The following ZNF423 variants were observed in gnomAD, a reference collection of about 807,000 sequenced individuals.
ZNF423 encodes zinc finger protein 423.
In ZNF423, 12 loss-of-function variants were observed where a neutral mutation model predicts 95.8. The ratio of observed to expected loss-of-function variants is 0.13; its 90% CI spans 0.08 to 0.20. The LOEUF is 0.20. ZNF423 is among the 10% of genes least tolerant of loss of function. The pLI is 1.00. For missense variants in ZNF423, 1,316 were observed against 1,737.1 expected, an observed-to-expected ratio of 0.76 and a Z score of 4.31; for synonymous variants, 749 against 711.9, an observed-to-expected ratio of 1.05 and a Z score of -0.83.
At chr16:49,777,634 A>C (rs2034142861) in intron 2 of ZNF423, among the ~76,000 whole-genome samples, 1 of 152,210 alleles carries the variant, frequency 6.6e-6, no homozygotes, top group African/African-American at 2.4e-5. Flanking sequence ...ACCAAGATGC[A>C]GTAAGTCTCC....
At chr16:49,841,202 C>A (rs570871135) in intron 1 of ZNF423, among the ~76,000 whole-genome samples, 14 of 152,108 alleles carry the variant, frequency 9.2e-5, no homozygotes, top group Non-Finnish European at 1.9e-4. Context: ...ATCCTCCCCC[C>A]ACTCCAGAAG....
chr16:49,560,487 T>C (rs961045494), intron 5 of ZNF423, among the ~76,000 whole-genome samples: 1 of 152,214 alleles, frequency 6.6e-6, no homozygotes, highest in South Asian at 2.1e-4. Context: ...GTTTGGGCTA[T>C]ATTCCCTTCC....
upstream of ZNF423, chr16:49,857,975 A>G (rs1200324888): frequency 2.0e-5 from 3 of 151,664 alleles, no homozygotes. The surrounding 1 kb of genome is among the most constrained non-coding windows in gnomAD (Gnocchi z 6.2). Flanking sequence ...CTCCCCAACT[A>G]GCTGCAGGCG....
rs1364829709 is a variant in ZNF423, at chr16:49,638,452, TGGA to T, written c.721_723del (p.Ser241del). 2 of 1,613,700 alleles carry T rather than the reference TGGA, an allele frequency of 1.2e-6. No homozygotes were observed. Among genetic ancestry groups the T allele is most frequent in the African/African-American group, 1.3e-5 (1 of 74,894 alleles). On this transcript the variant is annotated inframe_deletion, in exon 4 of 8. Coordinates refer to ENST00000563137, the MANE Select transcript of ZNF423 (RefSeq NM_001379286.1). The surrounding 1 kb of genome is among the most constrained non-coding windows in gnomAD (Gnocchi z 5.6). ...TGCATGTGGCTCTGCAGCGAGCTGG[TGGA>T]GGAGAAGCCGCGCTTGCACACAGTG...
intron 5 of ZNF423, among the ~76,000 whole-genome samples, chr16:49,582,005 C>T (rs993299556): frequency 2.0e-5 from 3 of 152,184 alleles, no homozygotes; most frequent in Non-Finnish European, 4.4e-5. Context: ...TTTTGGTTGC[C>T]ACGCTGGGAA....
Position 49,814,303 on chromosome 16 carries a change from C to T in ZNF423, c.41-24757G>A, listed in dbSNP as rs553429691. Among the ~76,000 whole-genome samples the T allele has an allele frequency of 5.9e-3, 893 of 152,162 alleles. 10 individuals carry two copies. The highest frequency in any genetic ancestry group is 0.021 in the African/African-American group (863 of 41,556). ...CTGGGGGGTGGGGGGATGACATCCC[C>T]GACATGTCCTGTGCCCAGGATAGAC... On this transcript the variant is annotated intron_variant, in intron 1 of 7. Transcript: ENST00000563137.
chr16:49,815,490 TG>T (rs2034822283), intron 1 of ZNF423, among the ~76,000 whole-genome samples: 1 of 152,040 alleles, frequency 6.6e-6, no homozygotes, highest in Admixed American at 6.6e-5. Flanking sequence ...ACTGGACAGA[TG>T]GGAAAGCTGA....
At chr16:49,805,659 C>T (rs191793367) in intron 1 of ZNF423, among the ~76,000 whole-genome samples, 20 of 152,332 alleles carry the variant, frequency 1.3e-4, no homozygotes, top group African/African-American at 4.3e-4. Context: ...CTCCAGTGAC[C>T]AGTCTGCAGA....
At chr16:49,697,376 A>C (rs979791121) in intron 3 of ZNF423, among the ~76,000 whole-genome samples, 1 of 152,268 alleles carries the variant, frequency 6.6e-6, no homozygotes, top group Admixed American at 6.5e-5. Flanking sequence ...CTGGCTTATC[A>C]CATCACCTTC....
At chr16:49,519,111 T>C (rs1968279526) in intron 7 of ZNF423, among the ~76,000 whole-genome samples, 1 of 152,166 alleles carries the variant, frequency 6.6e-6, no homozygotes, top group South Asian at 2.1e-4. Flanking sequence ...GTATCTGCAG[T>C]TGCCTTTTAC....
In ZNF423 at chr16:49,653,882, T is replaced by C. The variant is rs1040554751; in HGVS notation, c.302-15008A>G. ...TTGGGGTGTCCCTGTGTCTCCTGCA[T>C]CTTTCTAGGTCTGGGGCATTGTCAT... On this transcript the variant is annotated intron_variant, in intron 3 of 7. Coordinates refer to ENST00000563137, the MANE Select transcript of ZNF423 (RefSeq NM_001379286.1). Among the ~76,000 whole-genome samples, 8 of 152,220 alleles carry C rather than the reference T, an allele frequency of 5.3e-5. 1 individual carries two copies. The highest frequency in any genetic ancestry group is 3.9e-4 in the Admixed American group (6 of 15,286).
At chr16:49,555,313 C>T (rs1969782154) in intron 5 of ZNF423, among the ~76,000 whole-genome samples, 1 of 152,208 alleles carries the variant, frequency 6.6e-6, no homozygotes, top group Non-Finnish European at 1.5e-5. Flanking sequence ...TAATTCAGTT[C>T]AGGCTGTGCA....
At chr16:49,808,316 C>T (rs1023489747) in intron 1 of ZNF423, among the ~76,000 whole-genome samples, 5 of 152,134 alleles carry the variant, frequency 3.3e-5, no homozygotes, top group Admixed American at 6.5e-5. Context: ...CCTGCCTTGG[C>T]CCCTGGAAGC....
rs557608915 is a variant in ZNF423 at position 49,635,803 on chromosome 16, A to T, written c.3373T>A (p.Cys1125Ser). The stretch of plus-strand genomic sequence containing the variant: ...CACTCGGGGCAACGGAGGCCGGCAC[A>T]GGGCCGGTCGGCGGGCTCGGGCGGG... ...LAPPEPADRP[C>S]AGLRCPECSV... Residue 1125 changes from cysteine to serine, a missense_variant, in exon 4 of 8, where the codon TGT becomes AGT. Around this residue, in one of 6 missense-constraint regions of ZNF423, gnomAD observed 620 missense variants for 775.6 expected, o/e 0.80. Coordinates refer to ENST00000563137, the MANE Select transcript of ZNF423 (RefSeq NM_001379286.1). The surrounding 1 kb of genome is among the most constrained non-coding windows in gnomAD (Gnocchi z 4.8). The T allele has an allele frequency of 3.0e-5, 49 of 1,611,310 alleles. No homozygotes were observed. The East Asian group carries it at 1.0e-3, about 34-fold the overall frequency.
At chr16:49,615,279 G>A (rs962124984) in intron 5 of ZNF423, among the ~76,000 whole-genome samples, 2 of 152,240 alleles carry the variant, frequency 1.3e-5, no homozygotes, top group Non-Finnish European at 2.9e-5. Context: ...GCAAATTTCG[G>A]ACAAGAAATA....
intron 7 of ZNF423, among the ~76,000 whole-genome samples, chr16:49,508,517 A>AT (rs1395198234): frequency 8.0e-6 from 1 of 125,352 alleles, no homozygotes; most frequent in Non-Finnish European, 1.7e-5. Flanking sequence ...CTTTCTTAAA[A>AT]AAAAAAAAAA....
chr16:49,845,854 T>C (rs1426662183), intron 1 of ZNF423, among the ~76,000 whole-genome samples: 2 of 151,680 alleles, frequency 1.3e-5, no homozygotes, highest in Non-Finnish European at 2.9e-5. Flanking sequence ...GCCAAGGCCA[T>C]TTCTGAATGA....
At position 49,759,996 on chromosome 16, in the gene ZNF423, G is replaced by T. The variant is rs113597867; in HGVS notation, c.101-29025C>A. Reference sequence around the variant, plus strand: ...TGCCTAGTGTTTGCTTAGTGAATGGGTGAATGGATGGGTAGATCAATGGGT... The same window carrying T: ...TGCCTAGTGTTTGCTTAGTGAATGGTTGAATGGATGGGTAGATCAATGGGT... On this transcript the variant is annotated intron_variant, in intron 2 of 7. Transcript: ENST00000563137. Among the ~76,000 whole-genome samples the T allele has an allele frequency of 1.1e-4, 14 of 131,140 alleles. 1 individual carries two copies. The highest frequency in any genetic ancestry group is 3.9e-4 in the African/African-American group (14 of 35,474). 86.0% of individuals were successfully genotyped at this position (131,140 alleles called of 152,430 possible). A position where few individuals can be genotyped will look rare whatever the true frequency, so the allele number is the denominator to read the frequency against.
Position 49,492,488 on chromosome 16 carries a change from C to T in ZNF423, c.3850-1184G>A, listed in dbSNP as rs1339663763. 2.6e-5 allele frequency among the ~76,000 whole-genome samples: 4 copies of T among 151,860 alleles called. No individual in the cohort carries two copies. The highest frequency in any genetic ancestry group is 5.9e-5 in the Non-Finnish European group (4 of 67,766). On this transcript the variant is annotated intron_variant, in intron 7 of 7. Coordinates refer to ENST00000563137, the MANE Select transcript of ZNF423 (RefSeq NM_001379286.1). This position sits in a 1 kb window ranked among gnomAD's most constrained non-coding sequence, Gnocchi z 4.2. ...CGGAGGCCGAGGCCGGGGCCGGGGC[C>T]GGGGCCGGGGCCGAGACGGGCCACT... is the stretch of plus-strand genomic sequence containing the variant.
Sources: allele counts gnomAD v4.1 joint callset (sites outside exome capture counted in the v4.1 genomes callset), GRCh38; gene constraint gnomAD v4.1.1; regional missense constraint gnomAD v4.1.1; non-coding constraint Gnocchi (gnomAD v3.1); transcripts MANE v1.5; gene names NCBI Gene and HGNC (gene_info 2026-07-23, HGNC 2026-07-21).